Variants in APC observed in about 807,000 individuals in gnomAD.
The protein encoded by APC is APC regulator of Wnt signaling pathway.
In APC, 72 loss-of-function variants were observed where a neutral mutation model predicts 247.0. That is an observed-to-expected ratio of 0.29 (90% CI 0.24 to 0.35). The LOEUF is 0.35. APC is among the 10% of genes least tolerant of loss of function. The pLI is 1.00. For synonymous variants in APC, 1,254 were observed against 1,162.5 expected (o/e 1.08, Z -1.60); for missense variants, 3,400 against 3,360.7 (o/e 1.01, Z -0.29).
In APC at chr5:112,801,316, ATGCTG is replaced by A. The variant is rs1202347319; in HGVS notation, c.768_772del (p.Asp256GlufsTer5). 6.2e-7 allele frequency: 1 copy of A among 1,613,000 alleles called. No individual in the cohort carries two copies. The highest frequency in any genetic ancestry group is 8.5e-7 in the Non-Finnish European group (1 of 1,179,300). ...AACAAGCATGAAACCGGCTCACATGATGCTGAGCGGCAGAATGAAGGTCAAGGAGT... is the reference window on the plus strand; with the variant it reads ...AACAAGCATGAAACCGGCTCACATGAAGCGGCAGAATGAAGGTCAAGGAGT... On this transcript the variant is annotated frameshift_variant, in exon 8 of 16. Coordinates refer to ENST00000257430, the MANE Select transcript of APC (RefSeq NM_000038.6). LOFTEE classifies it high-confidence loss of function.
chr5:112,786,427 A>G (rs1377168084), intron 6 of APC, among the ~76,000 whole-genome samples: 1 of 152,176 alleles, frequency 6.6e-6, no homozygotes, highest in Non-Finnish European at 1.5e-5. Context: ...ATGGTTATTT[A>G]TTTACTCTTA....
rs576916914 is a variant in APC, at chr5:112,726,367, G to A, written c.165+18485G>A. ...AGCTGGAAGGGGGATGGAGTGGGAAGATGATCTTCCCCTGGAGTTTGGCTA... is the reference window on the plus strand; with the variant it reads ...AGCTGGAAGGGGGATGGAGTGGGAAAATGATCTTCCCCTGGAGTTTGGCTA... On this transcript the variant is annotated intron_variant, in intron 1 of 13. Transcript: ENST00000507379. Among the ~76,000 whole-genome samples the A allele has an allele frequency of 5.3e-5, 8 of 152,322 alleles. 1 individual carries two copies. Among genetic ancestry groups the A allele is most frequent in the Admixed American group, 4.6e-4 (7 of 15,300 alleles).
Position 112,839,143 on chromosome 5 carries a change from T to C in APC, c.3549T>C (p.Tyr1183=). The change falls in exon 16 of 16, where the codon TAT becomes TAC. Residue 1183 remains tyrosine (Y), a synonymous_variant. Transcript: ENST00000257430. The surrounding 1 kb of genome is among the most constrained non-coding windows in gnomAD (Gnocchi z 5.0). ...VDQPIDYSLK[Y]ATDIPSSQKQ... ...AGCCTATTGATTATAGTTTAAAATA[T>C]GCCACAGATATTCCTTCATCACAGA... 1 of 1,614,130 alleles carries C rather than the reference T, an allele frequency of 6.2e-7. No individual in the cohort carries two copies. The highest frequency in any genetic ancestry group is 2.2e-5 in the East Asian group (1 of 44,886).
At chr5:112,802,268 A>C (rs779520059) in intron 8 of APC, among the ~76,000 whole-genome samples, 15 of 152,106 alleles carry the variant, frequency 9.9e-5, no homozygotes, top group Non-Finnish European at 2.1e-4. Context: ...ATTTAAATTT[A>C]TTTTACTGAG....
intron 14 of APC, among the ~76,000 whole-genome samples, chr5:112,830,193 T>C (rs1484824664): frequency 1.3e-5 from 2 of 152,218 alleles, no homozygotes; most frequent in African/African-American, 4.8e-5. Flanking sequence ...AGCTAAATTA[T>C]TAGTTATAAA....
chr5:112,838,742 G>A lies in APC; in HGVS notation c.3148G>A (p.Ala1050Thr), dbSNP rs779121077. The A allele has an allele frequency of 1.2e-6, 2 of 1,614,110 alleles. No individual in the cohort carries two copies. The highest frequency in any genetic ancestry group is 1.7e-5 in the Admixed American group (1 of 60,024). ...RQSPSQNERW[A>T]RPKHIIEDEI... The stretch of plus-strand genomic sequence containing the variant: ...AAGTCCTTCACAGAATGAAAGATGG[G>A]CAAGACCCAAACACATAATAGAAGA... The change falls in exon 16 of 16, where the codon GCA becomes ACA. Residue 1050 changes from alanine (A) to threonine (T), a missense_variant. Ala to Thr is a moderately conservative substitution (Grantham distance 58). Coordinates refer to ENST00000257430, the MANE Select transcript of APC (RefSeq NM_000038.6).
At chr5:112,785,278 A>G (rs1758812631) in intron 6 of APC, among the ~76,000 whole-genome samples, 2 of 152,190 alleles carry the variant, frequency 1.3e-5, no homozygotes, top group Admixed American at 1.3e-4. Context: ...TTGCCTAGAA[A>G]AGCTATACAA....
intron 1 of APC, among the ~76,000 whole-genome samples, chr5:112,723,377 G>A (rs1252035771): frequency 5.9e-5 from 9 of 152,102 alleles, no homozygotes; most frequent in Admixed American, 3.9e-4. Flanking sequence ...TGGGAGAATT[G>A]CTTGAGCCTG....
chr5:112,734,468 G>C (rs1752263344), upstream of APC, among the ~76,000 whole-genome samples: 2 of 152,100 alleles, frequency 1.3e-5, no homozygotes, highest in South Asian at 4.2e-4. Flanking sequence ...TGATGCCTTA[G>C]TACCTGTAGA....
In APC at chr5:112,810,256, T is replaced by C. The variant is rs141309859; in HGVS notation, c.835-5239T>C. ...CACATCTAAAGGGATGGACCTTAGA[T>C]AGGAGGAGGGGAACTCTGATGTCAC... On this transcript the variant is annotated intron_variant, in intron 8 of 15. Transcript: ENST00000257430. The C allele has an allele frequency of 3.0e-5, 12 of 394,298 alleles. No homozygotes were observed. In the East Asian group the frequency reaches 7.8e-4, roughly 26 times the overall value. The allele number at this position is 394,298 out of a possible 1,614,324, so 24.4% of individuals were successfully genotyped here.
intron 2 of APC, among the ~76,000 whole-genome samples, chr5:112,764,858 G>T (rs6868149): frequency 0.043 from 6,523 of 152,238 alleles, 377 homozygotes; most frequent in African/African-American, 0.13. Context: ...AAGAGATGGT[G>T]CCCTGAAGTT....
chr5:112,715,068 T>C (rs1403250847), intron 1 of APC, among the ~76,000 whole-genome samples: 1 of 152,216 alleles, frequency 6.6e-6, no homozygotes, highest in Non-Finnish European at 1.5e-5. Context: ...TTATGTACAT[T>C]GTACTCCTAC....
intron 10 of APC, among the ~76,000 whole-genome samples, chr5:112,820,722 G>A (rs140579400): frequency 6.6e-6 from 1 of 152,290 alleles, no homozygotes; most frequent in African/African-American, 2.4e-5. Flanking sequence ...TACGTCAAAT[G>A]AGTTTTGAAA....
At position 112,767,340 on chromosome 5, in the gene APC, A is replaced by G. The variant is rs749179034; in HGVS notation, c.372A>G (p.Val124=). ...GTTCATTTCCAAGAAGAGGGTTTGT[A>G]AATGGAAGCAGAGAAAGTACTGGAT... ...PMGSFPRRGF[V]NGSRESTGYL... Residue 124 remains valine (V), a synonymous_variant, in exon 4 of 16, where the codon GTA becomes GTG. Coordinates refer to ENST00000257430, the MANE Select transcript of APC (RefSeq NM_000038.6). 7 of 1,614,182 alleles carry G rather than the reference A, an allele frequency of 4.3e-6. No homozygotes were observed. The East Asian group carries it at 1.1e-4, about 26-fold the overall frequency.
chr5:112,843,841 A>T lies in APC; in HGVS notation c.8247A>T (p.Ser2749=), dbSNP rs953342697. The T allele has an allele frequency of 6.2e-7, 1 of 1,614,126 alleles. No individual in the cohort carries two copies. The highest frequency in any genetic ancestry group is 8.5e-7 in the Non-Finnish European group (1 of 1,179,952). Residue 2749 remains serine, a synonymous_variant, in exon 16 of 16, where the codon TCA becomes TCT. Coordinates refer to ENST00000257430, the MANE Select transcript of APC (RefSeq NM_000038.6). The surrounding 1 kb of genome is among the most constrained non-coding windows in gnomAD (Gnocchi z 4.8). ...KPGQNNPVPV[S]ETNESSIVER... ...GACAAAATAATCCTGTCCCTGTATC[A>T]GAGACTAATGAAAGTTCTATAGTGG...
chr5:112,760,962 A>G (rs1387262290), intron 2 of APC, among the ~76,000 whole-genome samples: 2 of 152,100 alleles, frequency 1.3e-5, no homozygotes, highest in African/African-American at 2.4e-5. Flanking sequence ...GGCACCTGCC[A>G]CCATGCCTGG....
intron 1 of APC, among the ~76,000 whole-genome samples, chr5:112,739,207 T>C (rs1215807975): frequency 2.0e-5 from 3 of 152,226 alleles, no homozygotes; most frequent in South Asian, 2.1e-4. Context: ...TCATGAGATA[T>C]ACTCTTGATA....
At chr5:112,770,023 C>A (rs997607181) in intron 4 of APC, among the ~76,000 whole-genome samples, 1 of 152,180 alleles carries the variant, frequency 6.6e-6, no homozygotes, top group African/African-American at 2.4e-5. Flanking sequence ...AGAGGGCATG[C>A]ATACTAACCT....
chr5:112,740,889 A>T (rs1752937682), intron 1 of APC, among the ~76,000 whole-genome samples: 1 of 152,054 alleles, frequency 6.6e-6, no homozygotes, highest in African/African-American at 2.4e-5. Context: ...ACTGTTACTC[A>T]TTTTATGAAA....
Sources: allele counts gnomAD v4.1 joint callset (sites outside exome capture counted in the v4.1 genomes callset), GRCh38; gene constraint gnomAD v4.1.1; non-coding constraint Gnocchi (gnomAD v3.1); transcripts MANE v1.5; gene names NCBI Gene and HGNC (gene_info 2026-07-23, HGNC 2026-07-21).